CDON: variants seen among roughly 807,000 people sequenced by gnomAD.
CDON encodes the protein cell adhesion associated, oncogene regulated, also known as cell adhesion molecule-related/down-regulated by oncogenes.
CDON carries 73 observed loss-of-function variants against 120.9 expected under a neutral mutation model. That is an observed-to-expected ratio of 0.60 (90% CI 0.50 to 0.73). CDON has a LOEUF of 0.73. CDON is among the 30% of genes least tolerant of loss of function. The pLI is 0.00. For missense variants in CDON, 1,470 were observed against 1,587.3 expected (o/e 0.93, Z 1.26); for synonymous variants, 566 against 573.5 (o/e 0.99, Z 0.19).
At position 125,989,679 on chromosome 11, in the gene CDON, C is replaced by T; in HGVS notation, c.2731G>A (p.Gly911Arg). Reference sequence around the variant, plus strand: ...ATCACATTGCTAAATTCACTTTCTCCTCCTTCATTGAAGCATTGCATTTTA... The same window carrying T: ...ATCACATTGCTAAATTCACTTTCTCTTCCTTCATTGAAGCATTGCATTTTA... ...DIKMQCFNEG[G>R]ESEFSNVMIC... The change falls in exon 15 of 20, where the codon GGA becomes AGA. Residue 911 changes from glycine (G) to arginine (R), a missense_variant. Coordinates refer to ENST00000531738, the MANE Select transcript of CDON (RefSeq NM_001378964.1). 1 of 1,613,490 alleles carries T rather than the reference C, an allele frequency of 6.2e-7. No individual in the cohort carries two copies. Among genetic ancestry groups the T allele is most frequent in the Non-Finnish European group, 8.5e-7 (1 of 1,179,514 alleles).
In CDON at chr11:125,994,391, T is replaced by A; in HGVS notation, c.2545-2A>T. 6.8e-7 allele frequency: 1 copy of A among 1,467,214 alleles called. No individual in the cohort carries two copies. The highest frequency in any genetic ancestry group is 9.6e-7 in the Non-Finnish European group (1 of 1,046,172). 90.9% of individuals were successfully genotyped at this position (1,467,214 alleles called of 1,614,324 possible). A position where few individuals can be genotyped will look rare whatever the true frequency, so the allele number is the denominator to read the frequency against. On this transcript the variant is annotated splice_acceptor_variant, in intron 13 of 19. Transcript: ENST00000531738. LOFTEE classifies it high-confidence loss of function. ...GTTATTGTTACTTGATGGAATGTAC[T>A]AAAAAACAGAAGCAAAGACTTGTCA...
intron 1 of CDON, among the ~76,000 whole-genome samples, chr11:126,044,953 T>G (rs552306392): frequency 6.6e-6 from 1 of 152,200 alleles, no homozygotes; most frequent in African/African-American, 2.4e-5. Flanking sequence ...CATTACACAC[T>G]GTTATGCCTT....
At chr11:126,000,297 T>A (rs1372400777) in intron 11 of CDON, among the ~76,000 whole-genome samples, 1 of 152,148 alleles carries the variant, frequency 6.6e-6, no homozygotes, top group Non-Finnish European at 1.5e-5. Flanking sequence ...AGCCTCAAAT[T>A]CCTGGGCTCA....
intron 14 of CDON, 144 bp from the exon 15 acceptor site, chr11:125,989,903 G>T: frequency 1.4e-6 from 1 of 700,302 alleles, no homozygotes; most frequent in Non-Finnish European, 2.5e-6. Context: ...TTAATAGTAA[G>T]TATTTGACTA....
intron 19 of CDON, 124 bp downstream of exon 19, chr11:125,961,600 A>C: frequency 7.5e-7 from 1 of 1,325,596 alleles, no homozygotes; most frequent in South Asian, 1.4e-5. Context: ...CACCCCACCC[A>C]GTCTCCCAAG....
In CDON at chr11:125,998,754, T is replaced by A. The variant is rs528349520; in HGVS notation, c.2159-1344A>T. The stretch of plus-strand genomic sequence containing the variant: ...CATTGCAAATTTGTAATTGCCATTC[T>A]GCTTTGCCTTGATCATCTGTGAACT... On this transcript the variant is annotated intron_variant, in intron 11 of 19. Coordinates refer to ENST00000531738, the MANE Select transcript of CDON (RefSeq NM_001378964.1). 6.6e-5 allele frequency among the ~76,000 whole-genome samples: 10 copies of A among 152,370 alleles called. No individual in the cohort carries two copies. The South Asian group carries it at 1.9e-3, about 28-fold the overall frequency.
At chr11:125,995,908 G>A (rs1036257163) in intron 12 of CDON, among the ~76,000 whole-genome samples, 13 of 152,090 alleles carry the variant, frequency 8.5e-5, no homozygotes, top group Non-Finnish European at 1.3e-4. Context: ...AAACCTAAAC[G>A]AATGAAAGTA....
chr11:126,015,090 CT>C, intron 7 of CDON, 150 bp downstream of exon 7: 1 of 742,242 alleles, frequency 1.3e-6, no homozygotes, highest in Non-Finnish European at 2.3e-6. Context: ...AAATGCCTAC[CT>C]GTCACTAGCC....
At chr11:126,027,547 C>T (rs1378789328) in intron 1 of CDON, among the ~76,000 whole-genome samples, 1 of 152,034 alleles carries the variant, frequency 6.6e-6, no homozygotes, top group African/African-American at 2.4e-5. Context: ...TACTTAAGTT[C>T]CCCTACATTG....
Position 126,010,325 on chromosome 11 carries a change from A to G in CDON, c.1552+16T>C, listed in dbSNP as rs1413242389. 1 of 1,523,224 alleles carries G rather than the reference A, an allele frequency of 6.6e-7. No homozygotes were observed. The highest frequency in any genetic ancestry group is 9.0e-7 in the Non-Finnish European group (1 of 1,115,804). 94.4% of individuals were successfully genotyped at this position (1,523,224 alleles called of 1,614,324 possible). A position where few individuals can be genotyped will look rare whatever the true frequency, so the allele number is the denominator to read the frequency against. ...GGAAATTACTCAACTAAAAATAAAT[A>G]ATAATGGCAACTCACCAACCATGAG... On this transcript the variant is annotated intron_variant, in intron 8 of 19. Transcript: ENST00000531738.
rs60296131 is a variant in CDON, at chr11:126,045,800, A to G, written c.-62+16779T>C. ...AGCCTGACCAACACAGAGAAACCCC[A>G]TCTCTACTAAAAATACAAAATTAGC... On this transcript the variant is annotated intron_variant, in intron 1 of 19. Transcript: ENST00000531738. Among the ~76,000 whole-genome samples the G allele has an allele frequency of 8.9e-3, 1,358 of 152,084 alleles. 23 individuals carry two copies. Among genetic ancestry groups the G allele is most frequent in the African/African-American group, 0.031 (1,282 of 41,496 alleles).
rs1348564968 is a variant in CDON, at chr11:126,015,396, T to C, written c.1043A>G (p.Asn348Ser). ...NPAPNCTWFHNAQPIHPSARH... is the reference protein window; with the variant it reads ...NPAPNCTWFHSAQPIHPSARH... Reference sequence around the variant, plus strand: ...TGCAGAAGGATGAATAGGCTGTGCATTGTGAAACCAGGTACAGTTGGGGGC... The same window carrying C: ...TGCAGAAGGATGAATAGGCTGTGCACTGTGAAACCAGGTACAGTTGGGGGC... The change falls in exon 7 of 20, where the codon AAT (asparagine) becomes AGT (serine). Residue 348 changes from asparagine to serine, a missense_variant. Asn to Ser is a conservative substitution (Grantham distance 46). Coordinates refer to ENST00000531738, the MANE Select transcript of CDON (RefSeq NM_001378964.1). 2 of 1,614,060 alleles carry C rather than the reference T, an allele frequency of 1.2e-6. No individual in the cohort carries two copies. The highest frequency in any genetic ancestry group is 8.5e-7 in the Non-Finnish European group (1 of 1,180,044).
chr11:125,964,883 G>C (rs527956366), intron 18 of CDON, among the ~76,000 whole-genome samples: 3 of 152,164 alleles, frequency 2.0e-5, no homozygotes, highest in Non-Finnish European at 4.4e-5. Flanking sequence ...AATATCTTTC[G>C]TCGGGGCAAC....
intron 1 of CDON, among the ~76,000 whole-genome samples, chr11:126,026,321 C>T (rs12291576): frequency 1.3e-5 from 2 of 152,176 alleles, no homozygotes; most frequent in East Asian, 1.9e-4. Flanking sequence ...ACTATGTCTG[C>T]GAATCCTGCC....
At position 125,960,827 on chromosome 11, in the gene CDON, AAT is replaced by A; in HGVS notation, c.*113_*114del. On this transcript the variant is annotated 3_prime_UTR_variant, in exon 20 of 20. Transcript: ENST00000531738. ...TCATATGACATTACTACTACAAAAA[AAT>A]AAATAATGATTTTCTCTGATTTGAA... 1 of 1,006,018 alleles carries A rather than the reference AAT, an allele frequency of 9.9e-7. No individual in the cohort carries two copies. The highest frequency in any genetic ancestry group is 1.6e-6 in the Non-Finnish European group (1 of 633,376). 62.3% of individuals were successfully genotyped at this position (1,006,018 alleles called of 1,614,324 possible).
chr11:126,009,813 A>G (rs1215505055), intron 8 of CDON, among the ~76,000 whole-genome samples: 1 of 152,242 alleles, frequency 6.6e-6, no homozygotes, highest in African/African-American at 2.4e-5. Context: ...ATACCAGTAC[A>G]TCAAAAATCA....
chr11:126,063,032 C>G (rs947853703), upstream of CDON, among the ~76,000 whole-genome samples: 4 of 151,596 alleles, frequency 2.6e-5, no homozygotes, highest in African/African-American at 9.7e-5. Context: ...GGCCCGCACC[C>G]GGCCGGAGTG....
rs925793752 is a variant in CDON, at chr11:126,018,490, G to C, written c.497-17C>G. 1 of 1,611,838 alleles carries C rather than the reference G, an allele frequency of 6.2e-7. No homozygotes were observed. Among genetic ancestry groups the C allele is most frequent in the Non-Finnish European group, 8.5e-7 (1 of 1,178,048 alleles). On this transcript the variant is annotated splice_polypyrimidine_tract_variant and intron_variant, in intron 4 of 19. Transcript: ENST00000531738. Reference sequence around the variant, plus strand: ...AGTAATTCTCTGAGGAAGGAAGGGAGTGCAGTTAGGCCTCTCCCTTTATGA... The same window carrying C: ...AGTAATTCTCTGAGGAAGGAAGGGACTGCAGTTAGGCCTCTCCCTTTATGA...
intron 16 of CDON, among the ~76,000 whole-genome samples, chr11:125,981,980 T>TTTTC: frequency 8.9e-6 from 1 of 112,310 alleles, no homozygotes; most frequent in South Asian, 3.5e-4. Context: ...CTTTTTTTTT[T>TTTTC]TTTTTTTTTT....
Sources: gnomAD v4.1 joint callset for allele counts (sites outside exome capture counted in the v4.1 genomes callset) on GRCh38, gnomAD v4.1.1 for gene constraint, MANE v1.5 for transcripts, NCBI Gene and HGNC (gene_info 2026-07-23, HGNC 2026-07-21) for gene names.